Variants in BRINP3 observed in about 807,000 individuals in gnomAD.
BRINP3 encodes the protein BMP/retinoic acid inducible neural specific 3, also known as BMP/retinoic acid-inducible neural-specific protein 3.
Under a neutral mutation model 71.0 loss-of-function variants are expected in BRINP3, and 19 were observed. The observed-to-expected ratio is 0.27, with a 90% CI of 0.19 to 0.39. BRINP3 has a LOEUF of 0.39. Ranked by LOEUF, BRINP3 falls within the 10% of genes least tolerant of loss-of-function variation. The pLI, the probability that BRINP3 is intolerant of heterozygous loss-of-function variation, is 1.00. For synonymous variants in BRINP3, 380 were observed against 337.7 expected (o/e 1.13, Z -1.37); for missense variants, 959 against 940.8 (o/e 1.02, Z -0.25).
chr1:190,316,019 C>T (rs997438651), intron 2 of BRINP3, among the ~76,000 whole-genome samples: 5 of 150,934 alleles, frequency 3.3e-5, no homozygotes, highest in Non-Finnish European at 5.9e-5. Context: ...TGGTTGATCC[C>T]CCATGATCAA....
intron 6 of BRINP3, among the ~76,000 whole-genome samples, chr1:190,180,582 C>T (rs1652942485): frequency 6.6e-6 from 1 of 151,944 alleles, no homozygotes. Context: ...TATGTACTCT[C>T]ACAAGTAATA....
chr1:190,373,957 A>G (rs1670029199), intron 2 of BRINP3, among the ~76,000 whole-genome samples: 1 of 151,182 alleles, frequency 6.6e-6, no homozygotes, highest in Non-Finnish European at 1.5e-5. Context: ...GTAGCCCAAG[A>G]AGCTATTACT....
At chr1:190,223,011 T>C (rs1019085511) in intron 6 of BRINP3, among the ~76,000 whole-genome samples, 2 of 151,836 alleles carry the variant, frequency 1.3e-5, no homozygotes, top group East Asian at 1.9e-4. Context: ...AAAATCAATA[T>C]GGCTATCAAA....
At chr1:190,201,407 T>TA (rs1654994018) in intron 6 of BRINP3, among the ~76,000 whole-genome samples, 1 of 152,150 alleles carries the variant, frequency 6.6e-6, no homozygotes, top group African/African-American at 2.4e-5. Flanking sequence ...AAGGAGAGCA[T>TA]AAAAATTTGG....
chr1:190,373,575 T>G (rs151062284), intron 2 of BRINP3, among the ~76,000 whole-genome samples: 1 of 150,908 alleles, frequency 6.6e-6, no homozygotes, highest in Non-Finnish European at 1.5e-5. Flanking sequence ...GCTTGCTGGA[T>G]AGAATGGATA....
intron 1 of BRINP3, among the ~76,000 whole-genome samples, chr1:190,465,642 A>G (rs1442630805): frequency 1.3e-5 from 2 of 151,686 alleles, no homozygotes; most frequent in Non-Finnish European, 2.9e-5. Flanking sequence ...GTAATTTTCC[A>G]TCCACTGATC....
chr1:190,121,976 G>C (rs1571759633), intron 7 of BRINP3, among the ~76,000 whole-genome samples: 1 of 152,306 alleles, frequency 6.6e-6, no homozygotes, highest in East Asian at 1.9e-4. Context: ...ATATGAATAA[G>C]TGGAGGAGGA....
chr1:190,265,081 T>A (rs1661537394), intron 3 of BRINP3, 26 bp from the exon 4 acceptor site: 4 of 1,567,534 alleles, frequency 2.6e-6, no homozygotes, highest in Non-Finnish European at 3.4e-6. Context: ...TTCAAATTAT[T>A]CAATTTTCCA....
chr1:190,368,727 T>C (rs568590070), intron 2 of BRINP3, among the ~76,000 whole-genome samples: 38 of 152,210 alleles, frequency 2.5e-4, no homozygotes, highest in African/African-American at 8.4e-4. Flanking sequence ...CGTGGACCCA[T>C]TTAGATTAAG....
intron 1 of BRINP3, among the ~76,000 whole-genome samples, chr1:190,471,635 A>G (rs1415540056): frequency 6.6e-6 from 1 of 151,434 alleles, no homozygotes; most frequent in Non-Finnish European, 1.5e-5. Context: ...AGCATTGGAA[A>G]TTAGAAGTTT....
intron 1 of BRINP3, among the ~76,000 whole-genome samples, chr1:190,460,083 TTTC>T (rs1676283504): frequency 6.6e-6 from 1 of 151,996 alleles, no homozygotes; most frequent in Non-Finnish European, 1.5e-5. Context: ...TATAAAATAG[TTTC>T]TTAACATTAA....
chr1:190,236,222 A>G (rs985446579), intron 4 of BRINP3, among the ~76,000 whole-genome samples: 6 of 152,010 alleles, frequency 3.9e-5, no homozygotes, highest in African/African-American at 9.7e-5. Context: ...TGATAGAGAG[A>G]AAGGCCACTG....
chr1:190,230,985 A>T (rs916681660), intron 5 of BRINP3, among the ~76,000 whole-genome samples: 1 of 151,538 alleles, frequency 6.6e-6, no homozygotes, highest in Non-Finnish European at 1.5e-5. Context: ...AATATTAATT[A>T]TCATATAGTA....
chr1:190,338,604 G>A (rs1391279854), intron 2 of BRINP3, among the ~76,000 whole-genome samples: 1 of 151,886 alleles, frequency 6.6e-6, no homozygotes, highest in East Asian at 1.9e-4. Flanking sequence ...GATGTTAAAC[G>A]GAAATACACT....
At chr1:190,174,309 T>A (rs1479811583) in intron 6 of BRINP3, among the ~76,000 whole-genome samples, 1 of 152,130 alleles carries the variant, frequency 6.6e-6, no homozygotes, top group Non-Finnish European at 1.5e-5. Context: ...TGTGTCTTAT[T>A]TTCCACTATG....
chr1:190,447,224 C>A (rs1675276625), intron 2 of BRINP3, among the ~76,000 whole-genome samples: 1 of 150,004 alleles, frequency 6.7e-6, no homozygotes. Context: ...TAATTTCAAT[C>A]TCTTTTCCTT....
intron 2 of BRINP3, among the ~76,000 whole-genome samples, chr1:190,392,390 C>G (rs926732491): frequency 6.6e-6 from 1 of 151,454 alleles, no homozygotes; most frequent in Admixed American, 6.6e-5. Context: ...GATAATATTA[C>G]TACTTCTACT....
chr1:190,151,934 T>A (rs1656429590), intron 7 of BRINP3, among the ~76,000 whole-genome samples: 1 of 152,140 alleles, frequency 6.6e-6, no homozygotes, highest in South Asian at 2.1e-4. Flanking sequence ...ACTTGGACAA[T>A]TTAACAGGCA....
chr1:190,434,096 A>G (rs536093159), intron 2 of BRINP3, among the ~76,000 whole-genome samples: 1 of 150,554 alleles, frequency 6.6e-6, no homozygotes, highest in Admixed American at 6.6e-5. Context: ...ACCTAAAGAA[A>G]TGGTTATTTA....
Sources: allele counts gnomAD v4.1 joint callset (sites outside exome capture counted in the v4.1 genomes callset), GRCh38; gene constraint gnomAD v4.1.1; transcripts MANE v1.5; gene names NCBI Gene and HGNC (gene_info 2026-07-23, HGNC 2026-07-21).